PSTPIP1: variants seen among roughly 807,000 people sequenced by gnomAD.
PSTPIP1 encodes proline-serine-threonine phosphatase-interacting protein 1.
PSTPIP1 carries 66 observed loss-of-function variants against 69.6 expected under a neutral mutation model. That is an observed-to-expected ratio of 0.95 (90% CI 0.78 to 1.16). The LOEUF (loss-of-function observed/expected upper bound fraction) is 1.16, where lower values mean the gene tolerates loss of function less well. PSTPIP1 is among the 50% of genes most tolerant of loss of function. PSTPIP1 has a pLI of 0.00. For synonymous variants in PSTPIP1, 266 were observed against 222.7 expected (o/e 1.19, Z -1.73); for missense variants, 603 against 557.4 (o/e 1.08, Z -0.82).
chr15:77,020,733 C>T (rs1263817811), intron 3 of PSTPIP1, among the ~76,000 whole-genome samples: 4 of 152,186 alleles, frequency 2.6e-5, no homozygotes, highest in Non-Finnish European at 5.9e-5. Flanking sequence ...GGAAGCCCTC[C>T]CAGACACCTT....
At chr15:77,032,706 C>T (rs2152689462) in intron 11 of PSTPIP1, 156 bp from the exon 12 acceptor site, 1 of 662,550 alleles carries the variant, frequency 1.5e-6, no homozygotes, top group East Asian at 2.7e-5. Flanking sequence ...CTTGATGGTA[C>T]CTACGGTGGG....
rs1038445392 is a variant in PSTPIP1, at chr15:77,030,463, TC to T, written c.563-38del. The T allele has an allele frequency of 3.1e-6, 5 of 1,597,088 alleles. No individual in the cohort carries two copies. In the African/African-American group the frequency reaches 6.7e-5, roughly 21 times the overall value. ...TGCTGGAGTACAGGGGTGGAGGAGC[TC>T]GTGTCAGGGCCCTCCCTGAGGCTGC... is the stretch of plus-strand genomic sequence containing the variant. On this transcript the variant is annotated intron_variant, in intron 8 of 14. Transcript: ENST00000558012.
At chr15:77,037,024 C>T (rs201816551) in intron 14 of PSTPIP1, 21 bp from the exon 15 acceptor site, 195 of 1,610,068 alleles carry the variant, frequency 1.2e-4, no homozygotes, top group East Asian at 6.5e-4. Context: ...CAACGTCATG[C>T]GCTTTCAATC....
intron 12 of PSTPIP1, among the ~76,000 whole-genome samples, chr15:77,035,216 G>A (rs1209308762): frequency 6.6e-6 from 1 of 152,196 alleles, no homozygotes. Context: ...ACAGCTTCGG[G>A]GGTTCTAGGA....
chr15:77,025,363 G>A, intron 4 of PSTPIP1, 45 bp downstream of exon 4: 1 of 1,586,776 alleles, frequency 6.3e-7, no homozygotes, highest in East Asian at 2.2e-5. Flanking sequence ...GGGACTGCGA[G>A]GCTGGTGGAG....
chr15:77,035,684 A>C (rs914334156), intron 13 of PSTPIP1, 118 bp from the exon 14 acceptor site: 60 of 1,471,630 alleles, frequency 4.1e-5, no homozygotes, highest in Non-Finnish European at 5.3e-5. Context: ...CCCCAACAGC[A>C]AGTGTGGACA....
intron 1 of PSTPIP1, among the ~76,000 whole-genome samples, chr15:77,013,015 C>T (rs1256764409): frequency 2.0e-5 from 3 of 152,192 alleles, no homozygotes; most frequent in Non-Finnish European, 4.4e-5. Context: ...CTCAGCCCTT[C>T]CTACCTCAGG....
At chr15:77,026,142 C>G (rs955117154) in intron 5 of PSTPIP1, 18 of 456,086 alleles carry the variant, frequency 3.9e-5, no homozygotes, top group African/African-American at 2.6e-4. Context: ...GACAGAGTGA[C>G]TGCATGGAAG....
At chr15:77,029,406 A>G (rs968437021) in intron 7 of PSTPIP1, 123 bp from the exon 8 acceptor site, 2 of 1,111,430 alleles carry the variant, frequency 1.8e-6, no homozygotes, top group Middle Eastern at 2.0e-4. Flanking sequence ...ATCTGCCCAT[A>G]GTTGGCTCCT....
Position 77,027,832 on chromosome 15 carries a change from G to A in PSTPIP1, c.355-20G>A. On this transcript the variant is annotated intron_variant, in intron 5 of 14. Transcript: ENST00000558012. This position sits in a 1 kb window ranked among gnomAD's most constrained non-coding sequence, Gnocchi z 4.3. ...TCCCGAGGCCGCGGCCCTCGGCTCAGAACCTCGTGTCCCCTGCAGTATGAG... is the reference window on the plus strand; with the variant it reads ...TCCCGAGGCCGCGGCCCTCGGCTCAAAACCTCGTGTCCCCTGCAGTATGAG... 6.4e-7 allele frequency: 1 copy of A among 1,558,414 alleles called. No homozygotes were observed. Among genetic ancestry groups the A allele is most frequent in the Non-Finnish European group, 8.7e-7 (1 of 1,151,710 alleles).
At chr15:77,016,028 G>T in intron 1 of PSTPIP1, 1 of 456,282 alleles carries the variant, frequency 2.2e-6, no homozygotes, top group South Asian at 1.5e-5. Context: ...TCCACTCTGG[G>T]GGCCTCCATA....
intron 8 of PSTPIP1, among the ~76,000 whole-genome samples, chr15:77,030,036 C>T (rs1156635984): frequency 6.6e-6 from 1 of 152,108 alleles, no homozygotes; most frequent in Non-Finnish European, 1.5e-5. Flanking sequence ...CCTCCCTTCC[C>T]CTGGGAAGGC....
Position 76,995,225 on chromosome 15 carries a change from G to C in PSTPIP1, c.-349G>C, listed in dbSNP as rs1396978848. ...TCCACTGGCCACTGCCTCCCACCCA[G>C]GGCTGGCATCCCTGCTCCCTGCCCT... On this transcript the variant is annotated 5_prime_UTR_variant, in exon 1 of 15. Transcript: ENST00000558012. 4.9e-6 allele frequency: 6 copies of C among 1,231,998 alleles called. No individual in the cohort carries two copies. Among genetic ancestry groups the C allele is most frequent in the Non-Finnish European group, 5.1e-6 (5 of 973,184 alleles). 76.3% of individuals were successfully genotyped at this position (1,231,998 alleles called of 1,614,324 possible). A position where few individuals can be genotyped will look rare whatever the true frequency, so the allele number is the denominator to read the frequency against.
At chr15:77,036,012 G>A (rs2076563085) in intron 14 of PSTPIP1, 77 bp downstream of exon 14, 5 of 1,468,548 alleles carry the variant, frequency 3.4e-6, no homozygotes, top group East Asian at 2.5e-5. Context: ...CCAGTGCCTT[G>A]CGTCCTCATC....
intron 1 of PSTPIP1, among the ~76,000 whole-genome samples, chr15:77,000,460 G>GATATATATATATATATATAT (rs1045472754): frequency 8.5e-5 from 12 of 141,770 alleles, no homozygotes; most frequent in African/African-American, 3.2e-4. Context: ...TTTAAAGAGA[G>GATATATATATATATATATAT]ATATATATAT....
At chr15:76,997,635 A>C (rs1056500894) in intron 1 of PSTPIP1, among the ~76,000 whole-genome samples, 2 of 152,218 alleles carry the variant, frequency 1.3e-5, no homozygotes, top group African/African-American at 4.8e-5. Flanking sequence ...GGCTGGCTTT[A>C]GCACTTGTGT....
intron 7 of PSTPIP1, 29 bp downstream of exon 7, chr15:77,028,681 C>G (rs757141756): frequency 6.6e-7 from 1 of 1,512,490 alleles, no homozygotes; most frequent in East Asian, 2.5e-5. Flanking sequence ...CCGTGTGGGT[C>G]GCCCAGGGCT....
intron 3 of PSTPIP1, among the ~76,000 whole-genome samples, chr15:77,019,004 T>A (rs1262160845): frequency 2.0e-5 from 3 of 152,146 alleles, no homozygotes; most frequent in African/African-American, 7.2e-5. Flanking sequence ...GCTGACACAC[T>A]CTGTGGCTCC....
In PSTPIP1 at chr15:77,008,478, C is replaced by T. The variant is rs550378746; in HGVS notation, c.37-9670C>T. On this transcript the variant is annotated intron_variant, in intron 1 of 14. Transcript: ENST00000558012. ...AGGCTGGAGTGCAGTGGCACCGTGT[C>T]GGCTCACTGCAACCTCCGTCTCCTG... 4.3e-4 allele frequency among the ~76,000 whole-genome samples: 66 copies of T among 152,264 alleles called. 1 individual carries two copies. Among genetic ancestry groups the T allele is most frequent in the South Asian group, 3.1e-3 (15 of 4,822 alleles).
Sources: allele counts gnomAD v4.1 joint callset (sites outside exome capture counted in the v4.1 genomes callset), GRCh38; gene constraint gnomAD v4.1.1; non-coding constraint Gnocchi (gnomAD v3.1); transcripts MANE v1.5; gene names NCBI Gene and HGNC (gene_info 2026-07-23, HGNC 2026-07-21).